The following TKFC variants were observed in gnomAD, a reference collection of about 807,000 sequenced individuals.
TKFC encodes triokinase/FMN cyclase.
TKFC carries 46 observed loss-of-function variants against 61.0 expected under a neutral mutation model. That is an observed-to-expected ratio of 0.75 (90% CI 0.60 to 0.96). The LOEUF is 0.96. Among genes scored for constraint, TKFC ranks in the 50% least tolerant of loss-of-function variants. The pLI is 0.00. For synonymous variants in TKFC, 314 were observed against 330.1 expected (o/e 0.95, Z 0.53); for missense variants, 715 against 777.5 (o/e 0.92, Z 0.96).
At chr11:61,345,162 T>TC in intron 13 of TKFC, 98 bp from the exon 14 acceptor site, 1 of 1,021,084 alleles carries the variant, frequency 9.8e-7, no homozygotes, top group Non-Finnish European at 1.4e-6. Flanking sequence ...TCATTCCACT[T>TC]CCCTGTCGGC....
At chr11:61,342,967 C>T in intron 10 of TKFC, 123 bp downstream of exon 10, 1 of 977,960 alleles carries the variant, frequency 1.0e-6, no homozygotes, top group Non-Finnish European at 1.5e-6. Context: ...CTCTCTGCCA[C>T]CTAATTGCCG....
At chr11:61,333,748 G>A (rs1447726428) in intron 1 of TKFC, 7 of 152,250 alleles carry the variant, frequency 4.6e-5, no homozygotes, top group Admixed American at 2.6e-4. Flanking sequence ...TAATGAGCCA[G>A]GAGAGCCGTC....
At chr11:61,351,876 T>C (rs1206830683), downstream of TKFC, 1 of 152,130 alleles carries the variant, frequency 6.6e-6, no homozygotes, top group Non-Finnish European at 1.5e-5. Flanking sequence ...GTCACACCAT[T>C]GCTCTCCAAC....
chr11:61,343,782 G>A, intron 11 of TKFC, 74 bp from the exon 12 acceptor site: 1 of 1,555,498 alleles, frequency 6.4e-7, no homozygotes, highest in Non-Finnish European at 8.7e-7. Context: ...CCAGGGTCAG[G>A]ATGGGAGGGT....
intron 7 of TKFC, 141 bp from the exon 8 acceptor site, chr11:61,342,320 G>GT: frequency 9.3e-7 from 1 of 1,080,428 alleles, no homozygotes; most frequent in Non-Finnish European, 1.4e-6. Context: ...CAGAGATCGT[G>GT]TTTTTCATTA....
downstream of TKFC, chr11:61,350,634 C>T (rs183091293): frequency 2.4e-5 from 15 of 624,404 alleles, no homozygotes; most frequent in African/African-American, 2.2e-4. Flanking sequence ...GGTCACCAGG[C>T]ACCCATCCCA....
chr11:61,341,782 A>G (rs769908556), intron 6 of TKFC, 41 bp from the exon 7 acceptor site: 1 of 1,575,698 alleles, frequency 6.3e-7, no homozygotes, highest in Non-Finnish European at 8.7e-7. Flanking sequence ...GCCCAGTGCT[A>G]AGAGTGGAAC....
intron 14 of TKFC, 38 bp from the exon 15 acceptor site, chr11:61,345,424 G>T (rs755406005): frequency 1.2e-6 from 2 of 1,604,826 alleles, no homozygotes; most frequent in Non-Finnish European, 1.7e-6. Flanking sequence ...CTGGGGTCCA[G>T]GCCAGCACCA....
rs550966783 is a variant in TKFC, at chr11:61,347,793, G to A, written c.*1290G>A. The A allele has an allele frequency of 3.1e-5, 30 of 977,184 alleles. No individual in the cohort carries two copies. In the East Asian group the frequency reaches 1.0e-3, roughly 33 times the overall value. 60.5% of individuals were successfully genotyped at this position (977,184 alleles called of 1,614,324 possible). On this transcript the variant is annotated 3_prime_UTR_variant, in exon 18 of 18. Transcript: ENST00000394900. ...CCTATTTTTTAGCCCTTTGGGATCTGTAAAATCAGAATGGTACCCACCTCA... is the reference window on the plus strand; with the variant it reads ...CCTATTTTTTAGCCCTTTGGGATCTATAAAATCAGAATGGTACCCACCTCA...
Position 61,339,384 on chromosome 11 carries a change from C to T in TKFC, c.435C>T (p.Val145=). The T allele has an allele frequency of 6.2e-7, 1 of 1,613,488 alleles. No individual in the cohort carries two copies. The highest frequency in any genetic ancestry group is 8.5e-7 in the Non-Finnish European group (1 of 1,179,964). The change falls in exon 5 of 18, where the codon GTC becomes GTT. Residue 145 remains valine, a synonymous_variant. Coordinates refer to ENST00000394900, the MANE Select transcript of TKFC (RefSeq NM_015533.4). The part of the protein sequence containing the change: ...VVIGDDSAFT[V]LKKAGRRGLC... ...TTGGGGACGACAGCGCCTTCACTGT[C>T]CTGAAGAAGGCAGGCCGGCGGGGGC...
intron 10 of TKFC, 66 bp downstream of exon 10, chr11:61,342,910 T>G (rs1192441063): frequency 6.6e-7 from 1 of 1,512,264 alleles, no homozygotes; most frequent in Non-Finnish European, 9.2e-7. Context: ...GGTCTTGTGA[T>G]GGCAGAGAAC....
chr11:61,347,192 T>G lies in TKFC; in HGVS notation c.*689T>G, dbSNP rs77601678. 3.1e-3 allele frequency: 3,017 copies of G among 985,408 alleles called. 9 individuals carry two copies. The highest frequency in any genetic ancestry group is 3.3e-3 in the Non-Finnish European group (2,759 of 829,954). The allele number at this position is 985,408 out of a possible 1,614,324, so 61.0% of individuals were successfully genotyped here. The stretch of plus-strand genomic sequence containing the variant: ...GGCTCCTCGGGAGTCGAATGGGCAT[T>G]TGGGACACCAGAAGGAAAAGAAATC... On this transcript the variant is annotated 3_prime_UTR_variant, in exon 18 of 18. Transcript: ENST00000394900.
rs1419487038 is a variant in TKFC at position 61,347,994 on chromosome 11, C to T, written c.*1491C>T. On this transcript the variant is annotated 3_prime_UTR_variant, in exon 18 of 18. Transcript: ENST00000394900. ...AAGAGCCTCCTGCCCTCCCAACCCC[C>T]GTCACCTACTTGGCCCAAATTTGGC... 8 of 985,312 alleles carry T rather than the reference C, an allele frequency of 8.1e-6. No individual in the cohort carries two copies. The East Asian group carries it at 4.5e-4, about 56-fold the overall frequency. The allele number at this position is 985,312 out of a possible 1,614,324, so 61.0% of individuals were successfully genotyped here.
At chr11:61,353,055 C>T (rs1857492107), downstream of TKFC, 1 of 1,613,576 alleles carries the variant, frequency 6.2e-7, no homozygotes, top group African/African-American at 1.3e-5. Context: ...ATGGCGGCTC[C>T]AAAAAAGACG....
At position 61,347,589 on chromosome 11, in the gene TKFC, C is replaced by T. The variant is rs1302463324; in HGVS notation, c.*1086C>T. The T allele has an allele frequency of 5.1e-6, 5 of 984,280 alleles. No individual in the cohort carries two copies. In the African/African-American group the frequency reaches 5.3e-5, roughly 10 times the overall value. 61.0% of individuals were successfully genotyped at this position (984,280 alleles called of 1,614,324 possible). On this transcript the variant is annotated 3_prime_UTR_variant, in exon 18 of 18. Coordinates refer to ENST00000394900, the MANE Select transcript of TKFC (RefSeq NM_015533.4). ...ACTGCAGCCAAGCCAGCCCCTAGGTCTCTTTCTAGAGCGATCACTGATGGC... is the reference window on the plus strand; with the variant it reads ...ACTGCAGCCAAGCCAGCCCCTAGGTTTCTTTCTAGAGCGATCACTGATGGC...
chr11:61,343,322 G>A lies in TKFC; in HGVS notation c.866-20G>A. Reference sequence around the variant, plus strand: ...GATGCCCATTTTTCCCTTTTGGACTGCCACACTCTGGTATTGCAGAGGGCC... The same window carrying A: ...GATGCCCATTTTTCCCTTTTGGACTACCACACTCTGGTATTGCAGAGGGCC... On this transcript the variant is annotated intron_variant, in intron 10 of 17. Coordinates refer to ENST00000394900, the MANE Select transcript of TKFC (RefSeq NM_015533.4). 1 of 1,608,952 alleles carries A rather than the reference G, an allele frequency of 6.2e-7. No homozygotes were observed. Among genetic ancestry groups the A allele is most frequent in the Admixed American group, 1.7e-5 (1 of 59,758 alleles).
At chr11:61,334,866 G>A in intron 2 of TKFC, 135 bp downstream of exon 2, 1 of 1,324,884 alleles carries the variant, frequency 7.5e-7, no homozygotes, top group African/African-American at 1.4e-5. Flanking sequence ...GAAGAGAGAG[G>A]GTCATCCTCT....
In TKFC at chr11:61,346,123, C is replaced by A. The variant is rs555270817; in HGVS notation, c.1575+177C>A. The A allele has an allele frequency of 1.4e-5, 16 of 1,167,468 alleles. No individual in the cohort carries two copies. In the South Asian group the frequency reaches 2.0e-4, roughly 15 times the overall value. The allele number at this position is 1,167,468 out of a possible 1,614,324, so 72.3% of individuals were successfully genotyped here. ...ATGTGGCTAAGGAAATATGTAGAGC[C>A]CCGCACACTGCCTGGGATGTGACAG... On this transcript the variant is annotated intron_variant, in intron 17 of 17. Transcript: ENST00000394900. The surrounding 1 kb of genome is among the most constrained non-coding windows in gnomAD (Gnocchi z 4.1).
intron 3 of TKFC, among the ~76,000 whole-genome samples, chr11:61,338,826 G>A (rs567860160): frequency 6.6e-6 from 1 of 152,288 alleles, no homozygotes; most frequent in Admixed American, 6.5e-5. Context: ...AGTAAAATGG[G>A]GCAAAGGAAC....
Sources: allele counts gnomAD v4.1 joint callset (sites outside exome capture counted in the v4.1 genomes callset), GRCh38; gene constraint gnomAD v4.1.1; non-coding constraint Gnocchi (gnomAD v3.1); transcripts MANE v1.5; gene names NCBI Gene and HGNC (gene_info 2026-07-23, HGNC 2026-07-21).